RGS11: variants seen among roughly 807,000 people sequenced by gnomAD.
The protein encoded by RGS11 is regulator of G protein signaling 11, also known as regulator of G-protein signaling 11.
Under a neutral mutation model 71.1 loss-of-function variants are expected in RGS11, and 86 were observed. That is an observed-to-expected ratio of 1.21 (90% CI 1.02 to 1.45). The LOEUF (loss-of-function observed/expected upper bound fraction) is 1.45, where lower values mean the gene tolerates loss of function less well. RGS11 is among the 40% of genes most tolerant of loss of function. The pLI, the probability that RGS11 is intolerant of heterozygous loss-of-function variation, is 0.00. For synonymous variants in RGS11, 298 were observed against 254.2 expected, an observed-to-expected ratio of 1.17 and a Z score of -1.64; for missense variants, 734 against 635.1, an observed-to-expected ratio of 1.16 and a Z score of -1.67.
intron 9 of RGS11, 136 bp from the exon 10 acceptor site, chr16:271,705 C>T: frequency 1.2e-6 from 1 of 807,950 alleles, no homozygotes; most frequent in Non-Finnish European, 2.0e-6. Context: ...GCCCCCAGTC[C>T]CGCCCCTTGG....
Position 270,751 on chromosome 16 carries a change from C to A in RGS11, c.1060G>T (p.Val354Leu). 1 of 1,612,418 alleles carries A rather than the reference C, an allele frequency of 6.2e-7. No homozygotes were observed. Among genetic ancestry groups the A allele is most frequent in the South Asian group, 1.1e-5 (1 of 90,990 alleles). Residue 354 changes from valine to leucine, a missense_variant, in exon 14 of 17, where the codon GTG becomes TTG. By Grantham distance (32) the Val-to-Leu change is conservative (BLOSUM62 1). Transcript: ENST00000397770. Reference sequence around the variant, plus strand: ...CCACCACGCAGCACTTACTCGTACACGGCATCCACCAGGGTGGGGACCTGG... The same window carrying A: ...CCACCACGCAGCACTTACTCGTACAAGGCATCCACCAGGGTGGGGACCTGG... ...QAQVPTLVDA[V>L]YEQFLAPGAA...
At chr16:271,708 C>T (rs2051948619) in intron 9 of RGS11, 139 bp from the exon 10 acceptor site, 1 of 729,506 alleles carries the variant, frequency 1.4e-6, no homozygotes, top group African/African-American at 1.7e-5. Context: ...CCCAGTCCCG[C>T]CCCTTGGAGC....
Position 269,368 on chromosome 16 carries a change from C to A in RGS11, c.1305G>T (p.Thr435=). ...LEMKRRVFPF[T]WRPRHSSPSP... Reference sequence around the variant, plus strand: ...TGGGGCTCGAGTGCCGTGGCCTCCACGTAAACGGGAACACGCTGTGGGCGA... The same window carrying A: ...TGGGGCTCGAGTGCCGTGGCCTCCAAGTAAACGGGAACACGCTGTGGGCGA... The change falls in exon 17 of 17, where the codon ACG becomes ACT. Residue 435 remains threonine, a synonymous_variant. Transcript: ENST00000397770. 1 of 1,603,070 alleles carries A rather than the reference C, an allele frequency of 6.2e-7. No individual in the cohort carries two copies. Among genetic ancestry groups the A allele is most frequent in the Non-Finnish European group, 8.5e-7 (1 of 1,175,226 alleles).
Position 275,070 on chromosome 16 carries a change from A to G in RGS11, c.224T>C (p.Leu75Pro), listed in dbSNP as rs2052107389. The G allele has an allele frequency of 6.8e-7, 1 of 1,480,144 alleles. No homozygotes were observed. The highest frequency in any genetic ancestry group is 1.9e-4 in the Middle Eastern group (1 of 5,216). 91.7% of individuals were successfully genotyped at this position (1,480,144 alleles called of 1,614,324 possible). A position where few individuals can be genotyped will look rare whatever the true frequency, so the allele number is the denominator to read the frequency against. Residue 75 changes from leucine to proline, a missense_variant, in exon 4 of 17, where the codon CTG becomes CCG. By Grantham distance (98) the Leu-to-Pro change is moderately conservative (BLOSUM62 -3). Transcript: ENST00000397770. ...GCCATGCTGCACCAGGACGGCGCCC[A>G]GGTGCAGGGCCTCTGGGGAGGGGTG... ...FCVSEEEALHLGAVLVQHGYI... is the reference protein window; with the variant it reads ...FCVSEEEALHPGAVLVQHGYI...
At chr16:272,838 G>A (rs762375558) in intron 9 of RGS11, 25 bp downstream of exon 9, 9 of 1,540,200 alleles carry the variant, frequency 5.8e-6, no homozygotes, top group South Asian at 2.4e-5. Context: ...GTGAGAGGGC[G>A]GCCAGCACGC....
chr16:272,556 C>T, intron 9 of RGS11: 2 of 1,445,988 alleles, frequency 1.4e-6, no homozygotes, highest in African/African-American at 1.4e-5. Context: ...CTTGTCACCC[C>T]TCCAATTCCC....
intron 9 of RGS11, chr16:271,967 GC>G (rs1249842906): frequency 1.3e-5 from 4 of 299,122 alleles, no homozygotes; most frequent in African/African-American, 8.8e-5. Flanking sequence ...CTCTCCAGTA[GC>G]TGGGACTACA....
rs3752436 is a variant in RGS11 at position 274,495 on chromosome 16, G to C, written c.319-230C>G. The C allele has an allele frequency of 7.9e-3, 4,776 of 605,928 alleles. 219 individuals carry two copies. In the East Asian group the frequency reaches 0.11, roughly 14 times the overall value. The allele number at this position is 605,928 out of a possible 1,614,324, so 37.5% of individuals were successfully genotyped here. ...CTGTTCAGACACTGCCTCCCTCACTGGTCACCCTAAGCCCCCATTCAAGGC... is the reference window on the plus strand; with the variant it reads ...CTGTTCAGACACTGCCTCCCTCACTCGTCACCCTAAGCCCCCATTCAAGGC... On this transcript the variant is annotated intron_variant, in intron 4 of 16. Coordinates refer to ENST00000397770, the MANE Select transcript of RGS11 (RefSeq NM_183337.3).
At chr16:272,402 G>C (rs1334239324) in intron 9 of RGS11, 2 of 1,294,676 alleles carry the variant, frequency 1.5e-6, no homozygotes, top group Non-Finnish European at 2.0e-6. Flanking sequence ...CAGATGTTGG[G>C]TCTGGATGGG....
Position 270,544 on chromosome 16 carries a change from G to A in RGS11, c.1185C>T (p.His395=). The change falls in exon 15 of 17, where the codon CAC becomes CAT. Residue 395 remains histidine (H), a synonymous_variant. Transcript: ENST00000397770. ...HRYVLDDAQL[H]IYMLMKKDSY... ...CCACCTTCTTCATGAGCATGTATAT[G>A]TGCAGCTGGGCGTCATCCAGGACAT... 1.2e-6 allele frequency: 2 copies of A among 1,608,460 alleles called. No homozygotes were observed. The highest frequency in any genetic ancestry group is 8.5e-7 in the Non-Finnish European group (1 of 1,177,988).
chr16:270,715 C>T (rs2051890395), intron 14 of RGS11, 29 bp downstream of exon 14: 2 of 1,610,272 alleles, frequency 1.2e-6, no homozygotes, highest in African/African-American at 1.3e-5. Context: ...TGCCCGTTGG[C>T]CAACCGGTGC....
At chr16:270,484 A>T in intron 15 of RGS11, 39 bp downstream of exon 15, 2 of 1,566,692 alleles carry the variant, frequency 1.3e-6, no homozygotes, top group South Asian at 2.3e-5. Flanking sequence ...CCCGTCTGGG[A>T]TGACCCCTCC....
Position 275,885 on chromosome 16 carries a change from G to C in RGS11, c.27C>G (p.Pro9=). The change falls in exon 1 of 17, where the codon CCC becomes CCG. Residue 9 remains proline (P), a synonymous_variant. Transcript: ENST00000397770. ...GCGGCATCTGCGCCCGGGGGCGGCC[G>C]GGGGGCGGCGCGGGGCCGGCGGCCA... is the stretch of plus-strand genomic sequence containing the variant. The part of the protein sequence containing the change: MAAGPAPP[P]GRPRAQMPHL... The C allele has an allele frequency of 2.1e-6, 2 of 932,602 alleles. No individual in the cohort carries two copies. The highest frequency in any genetic ancestry group is 2.6e-6 in the Non-Finnish European group (2 of 763,202). 57.8% of individuals were successfully genotyped at this position (932,602 alleles called of 1,614,324 possible). A position where few individuals can be genotyped will look rare whatever the true frequency, so the allele number is the denominator to read the frequency against.
intron 1 of RGS11, 47 bp from the exon 2 acceptor site, chr16:275,545 T>G: frequency 6.9e-7 from 1 of 1,442,674 alleles, no homozygotes; most frequent in Non-Finnish European, 9.4e-7. Flanking sequence ...CCCGCAACCC[T>G]GATTCCCTGG....
At chr16:275,111 G>A (rs1300525764) in intron 3 of RGS11, 29 bp from the exon 4 acceptor site, 2 of 1,481,484 alleles carry the variant, frequency 1.3e-6, no homozygotes, top group East Asian at 2.5e-5. Context: ...GTGAGCGCGG[G>A]GCCGCGGAAG....
chr16:273,366 G>A, intron 8 of RGS11, 109 bp downstream of exon 8: 2 of 825,716 alleles, frequency 2.4e-6, no homozygotes, highest in Non-Finnish European at 3.8e-6. Flanking sequence ...GAGCTCCAAG[G>A]CAGGTCCTTC....
intron 9 of RGS11, 24 bp from the exon 10 acceptor site, chr16:271,593 A>G: frequency 1.2e-6 from 2 of 1,612,418 alleles, no homozygotes; most frequent in Non-Finnish European, 1.7e-6. Context: ...GGTGGGCTGC[A>G]GTTAGATGCA....
In RGS11 at chr16:270,743, C is replaced by T; in HGVS notation, c.1067+1G>A. ...ACCGGTGCCCACCACGCAGCACTTA[C>T]TCGTACACGGCATCCACCAGGGTGG... On this transcript the variant is annotated splice_donor_variant, in intron 14 of 16. Transcript: ENST00000397770. LOFTEE classifies it high-confidence loss of function. 2.5e-6 allele frequency: 4 copies of T among 1,612,364 alleles called. No individual in the cohort carries two copies. Among genetic ancestry groups the T allele is most frequent in the East Asian group, 2.2e-5 (1 of 44,848 alleles).
chr16:270,834 G>A lies in RGS11; in HGVS notation c.980-3C>T. 6.2e-7 allele frequency: 1 copy of A among 1,609,392 alleles called. No homozygotes were observed. Among genetic ancestry groups the A allele is most frequent in the Non-Finnish European group, 8.5e-7 (1 of 1,178,520 alleles). On this transcript the variant is annotated splice_region_variant and splice_polypyrimidine_tract_variant and intron_variant, in intron 13 of 16. Transcript: ENST00000397770. ...CTCCCAGAAGCTGAGGTTTTCTCCT[G>A]GGGGGCCGGGCACCCAGTCAAGGAT... is the stretch of plus-strand genomic sequence containing the variant.
Sources: allele counts gnomAD v4.1 joint callset, GRCh38; gene constraint gnomAD v4.1.1; transcripts MANE v1.5; gene names NCBI Gene and HGNC (gene_info 2026-07-23, HGNC 2026-07-21).